Variants in LMBRD2 observed in about 807,000 individuals in gnomAD.
LMBRD2 encodes the protein LMBR1 domain containing 2, also known as G protein-coupled receptor-associated protein LMBRD2.
In LMBRD2, 55 loss-of-function variants were observed where a neutral mutation model predicts 94.4. The ratio of observed to expected loss-of-function variants is 0.58; its 90% CI spans 0.47 to 0.73. LMBRD2 has a LOEUF of 0.73. LMBRD2 is among the 30% of genes least tolerant of loss of function. The pLI, the probability that LMBRD2 is intolerant of heterozygous loss-of-function variation, is 0.00. For synonymous variants in LMBRD2, 246 were observed against 272.4 expected, an observed-to-expected ratio of 0.90 and a Z score of 0.95; for missense variants, 640 against 831.9, an observed-to-expected ratio of 0.77 and a Z score of 2.84.
chr5:36,125,911 CAA>C (rs1426904481), intron 6 of LMBRD2, among the ~76,000 whole-genome samples: 1 of 151,998 alleles, frequency 6.6e-6, no homozygotes, highest in African/African-American at 2.4e-5. Context: ...ATATTCCAGG[CAA>C]AGAGACAGGG....
At chr5:36,106,946 C>T (rs1404952494) in intron 16 of LMBRD2, among the ~76,000 whole-genome samples, 2 of 152,122 alleles carry the variant, frequency 1.3e-5, no homozygotes, top group African/African-American at 4.8e-5. Flanking sequence ...CACTTAGTCT[C>T]CCTTCTAATT....
chr5:36,136,910 A>G (rs1195170643), intron 5 of LMBRD2, among the ~76,000 whole-genome samples: 1 of 152,202 alleles, frequency 6.6e-6, no homozygotes, highest in Non-Finnish European at 1.5e-5. Flanking sequence ...TAACATTAAG[A>G]ACAAATATGC....
At chr5:36,134,128 TC>T (rs1356051628) in intron 6 of LMBRD2, among the ~76,000 whole-genome samples, 1 of 152,138 alleles carries the variant, frequency 6.6e-6, no homozygotes, top group Non-Finnish European at 1.5e-5. Flanking sequence ...TAAATAATGT[TC>T]TTTCAAAAGA....
chr5:36,115,143 T>C (rs369825037), intron 11 of LMBRD2, 23 bp from the exon 12 acceptor site: 5 of 1,450,544 alleles, frequency 3.4e-6, no homozygotes, highest in East Asian at 2.3e-5. Context: ...TTTAAAAATA[T>C]GTATATAAAA....
rs1405963806 is a variant in LMBRD2 at position 36,115,938 on chromosome 5, T to G, written c.1436+522A>C. On this transcript the variant is annotated intron_variant, in intron 11 of 17. Transcript: ENST00000296603. Reference sequence around the variant, plus strand: ...AAAAGATGCTTAAAAATACTTTGGATGTCAACTCCTCTATAAAATTATCTA... The same window carrying G: ...AAAAGATGCTTAAAAATACTTTGGAGGTCAACTCCTCTATAAAATTATCTA... Among the ~76,000 whole-genome samples, 3 of 152,344 alleles carry G rather than the reference T, an allele frequency of 2.0e-5. No homozygotes were observed. In the East Asian group the frequency reaches 5.8e-4, roughly 29 times the overall value.
intron 6 of LMBRD2, among the ~76,000 whole-genome samples, chr5:36,128,033 C>T (rs1428556465): frequency 6.6e-6 from 1 of 152,170 alleles, no homozygotes; most frequent in Non-Finnish European, 1.5e-5. Flanking sequence ...ACCCCTCCCC[C>T]ACCTCCAGGC....
chr5:36,150,105 A>G (rs544649511), intron 1 of LMBRD2, among the ~76,000 whole-genome samples: 39 of 152,328 alleles, frequency 2.6e-4, no homozygotes, highest in Non-Finnish European at 4.3e-4. Flanking sequence ...CATGATTAGA[A>G]GGAAGGCAAA....
intron 4 of LMBRD2, 100 bp from the exon 5 acceptor site, chr5:36,137,541 G>T: frequency 3.1e-6 from 2 of 638,006 alleles, no homozygotes; most frequent in South Asian, 3.3e-5. Context: ...TTAATGAATA[G>T]GTCTTCTCAT....
rs1339201111 is a variant in LMBRD2, at chr5:36,098,584, T to C, written c.*5462A>G. The C allele has an allele frequency of 6.6e-6, 1 of 152,098 alleles. No homozygotes were observed. Among genetic ancestry groups the C allele is most frequent in the Non-Finnish European group, 1.5e-5 (1 of 67,932 alleles). 9.4% of individuals were successfully genotyped at this position (152,098 alleles called of 1,614,324 possible). A position where few individuals can be genotyped will look rare whatever the true frequency, so the allele number is the denominator to read the frequency against. ...ACTTGTAGAAATGTAATTTATTTCA[T>C]GCAAAGCTACATTCTTTCCTATATT... On this transcript the variant is annotated 3_prime_UTR_variant, in exon 18 of 18. Coordinates refer to ENST00000296603, the MANE Select transcript of LMBRD2 (RefSeq NM_001007527.2).
chr5:36,137,460 T>C lies in LMBRD2; in HGVS notation c.369-19A>G, dbSNP rs748140276. On this transcript the variant is annotated intron_variant, in intron 4 of 17. Transcript: ENST00000296603. ...GAGAATCCTAGATGGATAGAAAAAA[T>C]ATGATTAAAAACCCAAATAATTGAT... The C allele has an allele frequency of 1.3e-6, 2 of 1,497,162 alleles. No individual in the cohort carries two copies. The highest frequency in any genetic ancestry group is 1.8e-6 in the Non-Finnish European group (2 of 1,108,198). The allele number at this position is 1,497,162 out of a possible 1,614,324, so 92.7% of individuals were successfully genotyped here. A position where few individuals can be genotyped will look rare whatever the true frequency, so the allele number is the denominator to read the frequency against.
At chr5:36,135,441 T>C (rs1210435663) in intron 6 of LMBRD2, among the ~76,000 whole-genome samples, 3 of 152,212 alleles carry the variant, frequency 2.0e-5, no homozygotes, top group African/African-American at 4.8e-5. Context: ...TAGAATTGTT[T>C]ATTATTTCAT....
chr5:36,119,847 C>CT (rs1743844653), intron 9 of LMBRD2, among the ~76,000 whole-genome samples: 1 of 152,176 alleles, frequency 6.6e-6, no homozygotes, highest in South Asian at 2.1e-4. Context: ...GTTTCTAACA[C>CT]TACACCTTCT....
Position 36,115,007 on chromosome 5 carries a change from G to T in LMBRD2, c.1542+8C>A. On this transcript the variant is annotated splice_region_variant and intron_variant, in intron 12 of 17. Coordinates refer to ENST00000296603, the MANE Select transcript of LMBRD2 (RefSeq NM_001007527.2). ...ACCTAAGGAATTCTATTTTCTGACC[G>T]TACTTACAGATGTATAAGCAGTTGG... 2.0e-6 allele frequency: 3 copies of T among 1,515,900 alleles called. No homozygotes were observed. The highest frequency in any genetic ancestry group is 2.7e-6 in the Non-Finnish European group (3 of 1,094,222). The allele number at this position is 1,515,900 out of a possible 1,614,324, so 93.9% of individuals were successfully genotyped here.
chr5:36,151,392 C>T lies in LMBRD2; in HGVS notation c.-58+164G>A, dbSNP rs944671575. ...GGCTCCCCTAAAATTAAACCATTGT[C>T]TCTCGTTCCAACGGCGTGTTTAGCT... On this transcript the variant is annotated intron_variant, in intron 1 of 17. Coordinates refer to ENST00000296603, the MANE Select transcript of LMBRD2 (RefSeq NM_001007527.2). This position sits in a 1 kb window ranked among gnomAD's most constrained non-coding sequence, Gnocchi z 4.7. Among the ~76,000 whole-genome samples the T allele has an allele frequency of 6.6e-6, 1 of 152,230 alleles. No individual in the cohort carries two copies. Among genetic ancestry groups the T allele is most frequent in the Admixed American group, 6.5e-5 (1 of 15,292 alleles).
intron 3 of LMBRD2, among the ~76,000 whole-genome samples, chr5:36,141,818 A>G (rs1169037073): frequency 6.6e-6 from 1 of 152,152 alleles, no homozygotes; most frequent in Non-Finnish European, 1.5e-5. Context: ...ACTTGCAACA[A>G]TCTGTAGCTG....
intron 3 of LMBRD2, among the ~76,000 whole-genome samples, chr5:36,141,953 G>A (rs1393718312): frequency 6.6e-6 from 1 of 152,098 alleles, no homozygotes; most frequent in Non-Finnish European, 1.5e-5. Context: ...AAATACTACT[G>A]AAAGCATTCA....
At chr5:36,117,652 A>C in intron 10 of LMBRD2, 83 bp downstream of exon 10, 1 of 993,578 alleles carries the variant, frequency 1.0e-6, no homozygotes, top group Non-Finnish European at 1.4e-6. Flanking sequence ...TTTCATTTTT[A>C]CTAGAAGAAA....
At position 36,111,260 on chromosome 5, in the gene LMBRD2, T is replaced by C; in HGVS notation, c.1641-2A>G. ...AGATTCAAACAACGGGTTCCCAAAC[T>C]AATAAAAGCAGATTTTTTAAAAAGA... On this transcript the variant is annotated splice_acceptor_variant, in intron 13 of 17. Coordinates refer to ENST00000296603, the MANE Select transcript of LMBRD2 (RefSeq NM_001007527.2). LOFTEE classifies it high-confidence loss of function. The C allele has an allele frequency of 6.3e-7, 1 of 1,595,560 alleles. No individual in the cohort carries two copies. Among genetic ancestry groups the C allele is most frequent in the Non-Finnish European group, 8.6e-7 (1 of 1,165,360 alleles).
At chr5:36,144,716 GA>G (rs1744497773) in intron 1 of LMBRD2, among the ~76,000 whole-genome samples, 1 of 151,868 alleles carries the variant, frequency 6.6e-6, no homozygotes, top group South Asian at 2.1e-4. Flanking sequence ...AAATAAGGGA[GA>G]ACCAATGAAA....
Sources: allele counts gnomAD v4.1 joint callset (sites outside exome capture counted in the v4.1 genomes callset), GRCh38; gene constraint gnomAD v4.1.1; non-coding constraint Gnocchi (gnomAD v3.1); transcripts MANE v1.5; gene names NCBI Gene and HGNC (gene_info 2026-07-23, HGNC 2026-07-21).